Variants in IPO9 observed in about 807,000 individuals in gnomAD.
IPO9 encodes importin-9.
In IPO9, 28 loss-of-function variants were observed where a neutral mutation model predicts 128.6. The observed-to-expected ratio is 0.22, with a 90% CI of 0.16 to 0.30. IPO9 has a LOEUF of 0.30. Among genes scored for constraint, IPO9 ranks in the 10% least tolerant of loss-of-function variants. The pLI is 1.00. For missense variants in IPO9, 935 were observed against 1,293.9 expected, an observed-to-expected ratio of 0.72 and a Z score of 4.26; for synonymous variants, 455 against 475.8, an observed-to-expected ratio of 0.96 and a Z score of 0.57.
In IPO9 at chr1:201,848,453, C is replaced by T. The variant is rs1183520835; in HGVS notation, c.373C>T (p.Arg125Cys). 7 of 1,614,040 alleles carry T rather than the reference C, an allele frequency of 4.3e-6. No homozygotes were observed. Among genetic ancestry groups the T allele is most frequent in the Non-Finnish European group, 5.1e-6 (6 of 1,180,034 alleles). The change falls in exon 4 of 24, where the codon CGC (arginine) becomes TGC (cysteine). Residue 125 changes from arginine (R) to cysteine (C), a missense_variant. Around this residue, in one of 3 missense-constraint regions of IPO9, gnomAD observed 741 missense variants for 1,019.1 expected, o/e 0.73. Coordinates refer to ENST00000361565, the MANE Select transcript of IPO9 (RefSeq NM_018085.5). ...NGLRESISKV[R>C]SSVAYAVSAI... The stretch of plus-strand genomic sequence containing the variant: ...GTTGAGAGAATCGATAAGCAAAGTG[C>T]GCTCCAGTGTGGCCTATGCAGTGTC...
At chr1:201,854,035 C>G (rs1571546723) in intron 6 of IPO9, among the ~76,000 whole-genome samples, 1 of 152,200 alleles carries the variant, frequency 6.6e-6, no homozygotes, top group Admixed American at 6.5e-5. Context: ...CATGCCCAGC[C>G]TAATGAATTT....
chr1:201,849,720 C>A (rs1314692217), intron 4 of IPO9, among the ~76,000 whole-genome samples: 1 of 152,198 alleles, frequency 6.6e-6, no homozygotes, highest in Admixed American at 6.5e-5. Flanking sequence ...TCTCAGACCC[C>A]AGCTGCCTTT....
At chr1:201,873,051 A>G in intron 20 of IPO9, 90 bp downstream of exon 20, 2 of 1,363,934 alleles carry the variant, frequency 1.5e-6, no homozygotes, top group Non-Finnish European at 1.9e-6. Flanking sequence ...TGTGGTGTAT[A>G]TTTTTAAAAC....
At chr1:201,861,887 C>T (rs1680454145) in intron 13 of IPO9, among the ~76,000 whole-genome samples, 2 of 152,144 alleles carry the variant, frequency 1.3e-5, no homozygotes, top group Non-Finnish European at 2.9e-5. Context: ...TTGCTTCAGC[C>T]TAAGAGATGA....
intron 13 of IPO9, among the ~76,000 whole-genome samples, chr1:201,859,856 A>G (rs913753159): frequency 6.6e-6 from 1 of 152,036 alleles, no homozygotes; most frequent in Non-Finnish European, 1.5e-5. Context: ...GCTACTCAAG[A>G]GGCTGAGGCA....
Position 201,883,492 on chromosome 1 carries a change from C to T in IPO9, c.*7438C>T, listed in dbSNP as rs1680927681. 1 of 152,180 alleles carries T rather than the reference C, an allele frequency of 6.6e-6. No homozygotes were observed. 9.4% of individuals were successfully genotyped at this position (152,180 alleles called of 1,614,324 possible). On this transcript the variant is annotated 3_prime_UTR_variant, in exon 24 of 24. Coordinates refer to ENST00000361565, the MANE Select transcript of IPO9 (RefSeq NM_018085.5). Reference sequence around the variant, plus strand: ...TAGGGAAAAGGCTGCATGGAGTCCCCAGGGATGCTGGGCCCTGGTCACCAA... The same window carrying T: ...TAGGGAAAAGGCTGCATGGAGTCCCTAGGGATGCTGGGCCCTGGTCACCAA...
At chr1:201,854,079 C>G (rs540576900) in intron 6 of IPO9, among the ~76,000 whole-genome samples, 7 of 152,148 alleles carry the variant, frequency 4.6e-5, no homozygotes, top group Non-Finnish European at 1.0e-4. Flanking sequence ...CCCTATGTTG[C>G]CCAGGCTCAT....
intron 2 of IPO9, 74 bp from the exon 3 acceptor site, chr1:201,847,478 A>G (rs887200430): frequency 8.0e-6 from 11 of 1,378,228 alleles, no homozygotes; most frequent in Non-Finnish European, 1.1e-5. Flanking sequence ...CAGATGTATC[A>G]GGCTATGTAT....
rs929254721 is a variant in IPO9, at chr1:201,876,435, T to A, written c.*381T>A. ...GCGCAGGAAGTCACTACCATTTATA[T>A]TCTAAAACAGACCTATCTATGTTCA... On this transcript the variant is annotated 3_prime_UTR_variant, in exon 24 of 24. Transcript: ENST00000361565. The A allele has an allele frequency of 2.7e-6, 1 of 364,718 alleles. No individual in the cohort carries two copies. The highest frequency in any genetic ancestry group is 5.4e-6 in the Non-Finnish European group (1 of 186,826). 22.6% of individuals were successfully genotyped at this position (364,718 alleles called of 1,614,324 possible).
chr1:201,837,317 A>G (rs1454936136), intron 1 of IPO9, among the ~76,000 whole-genome samples: 1 of 152,178 alleles, frequency 6.6e-6, no homozygotes, highest in African/African-American at 2.4e-5. Context: ...AAATATATTC[A>G]TGCTAAGCTT....
chr1:201,871,329 T>TAGAACCCC lies in IPO9; in HGVS notation c.2576+8_2576+9insCCAGAACC. On this transcript the variant is annotated splice_region_variant and intron_variant, in intron 19 of 23. Transcript: ENST00000361565. ...TGGACAGTATGAAGGCAAAGTCAGG[T>TAGAACCCC]AGAACCTCATCTTTCTTTTCTGGGC... The TAGAACCCC allele has an allele frequency of 6.4e-7, 1 of 1,569,958 alleles. No individual in the cohort carries two copies. Among genetic ancestry groups the TAGAACCCC allele is most frequent in the African/African-American group, 1.4e-5 (1 of 72,304 alleles).
rs1041132009 is a variant in IPO9 at position 201,863,664 on chromosome 1, C to CA, written c.1628+60dup. On this transcript the variant is annotated intron_variant, in intron 14 of 23. Transcript: ENST00000361565. Reference sequence around the variant, plus strand: ...GGAAAGTTGCTCAGGTTAGATATAACAAATCACAGTTTTCCAGTGTATTAT... The same window carrying CA: ...GGAAAGTTGCTCAGGTTAGATATAACAAAATCACAGTTTTCCAGTGTATTAT... 6.3e-5 allele frequency: 90 copies of CA among 1,439,560 alleles called. No homozygotes were observed. The African/African-American group carries it at 1.1e-3, about 18-fold the overall frequency. The allele number at this position is 1,439,560 out of a possible 1,614,324, so 89.2% of individuals were successfully genotyped here. A position where few individuals can be genotyped will look rare whatever the true frequency, so the allele number is the denominator to read the frequency against.
At position 201,829,248 on chromosome 1, in the gene IPO9, G is replaced by T. The variant is rs1378342947; in HGVS notation, c.39G>T (p.Leu13=). 5 of 1,583,932 alleles carry T rather than the reference G, an allele frequency of 3.2e-6. No homozygotes were observed. Among genetic ancestry groups the T allele is most frequent in the Non-Finnish European group, 4.3e-6 (5 of 1,168,412 alleles). The change falls in exon 1 of 24, where the codon CTG becomes CTT. Residue 13 remains leucine (L), a synonymous_variant. Transcript: ENST00000361565. ...AAAAAGAASG[L]PGPVAQGLKE... ...CGGCAGCTGGTGCGGCCTCCGGGCT[G>T]CCGGGTCCAGTGGCACAAGGATTAA... is the stretch of plus-strand genomic sequence containing the variant.
intron 20 of IPO9, 25 bp from the exon 21 acceptor site, chr1:201,874,225 T>C (rs1680716022): frequency 6.2e-7 from 1 of 1,612,926 alleles, no homozygotes; most frequent in South Asian, 1.1e-5. Context: ...ACACTCTGAC[T>C]TGAAACCTTT....
intron 15 of IPO9, among the ~76,000 whole-genome samples, chr1:201,868,061 T>C (rs1166066660): frequency 6.6e-6 from 1 of 152,224 alleles, no homozygotes; most frequent in East Asian, 1.9e-4. Context: ...ACATTGCCTA[T>C]ATTTTTCCAT....
chr1:201,859,157 A>C (rs569977984), intron 13 of IPO9, among the ~76,000 whole-genome samples, 163 bp downstream of exon 13: 1 of 138,486 alleles, frequency 7.2e-6, no homozygotes, highest in African/African-American at 2.6e-5. Flanking sequence ...CATTGTGTAC[A>C]TGTACCCTAG....
chr1:201,855,035 T>C (rs927092578), intron 8 of IPO9, 89 bp from the exon 9 acceptor site: 2 of 1,303,812 alleles, frequency 1.5e-6, no homozygotes, highest in African/African-American at 3.0e-5. Context: ...TTTTAAGGTG[T>C]CTACTTTTAG....
At chr1:201,865,794 A>G (rs904607284) in intron 14 of IPO9, among the ~76,000 whole-genome samples, 6 of 152,170 alleles carry the variant, frequency 3.9e-5, no homozygotes, top group African/African-American at 1.4e-4. Flanking sequence ...ACAGTTGTTA[A>G]AAATACATTG....
intron 15 of IPO9, among the ~76,000 whole-genome samples, chr1:201,867,725 C>T (rs59212970): frequency 0.081 from 12,327 of 151,316 alleles, 605 homozygotes; most frequent in Admixed American, 0.13. Flanking sequence ...TTTATTAATA[C>T]CTTATTACTA....
Sources: gnomAD v4.1 joint callset for allele counts (sites outside exome capture counted in the v4.1 genomes callset) on GRCh38, gnomAD v4.1.1 for gene constraint, gnomAD v4.1.1 regional missense constraint, MANE v1.5 for transcripts, NCBI Gene and HGNC (gene_info 2026-07-23, HGNC 2026-07-21) for gene names.